TRAPPC13: variants seen among roughly 807,000 people sequenced by gnomAD.
TRAPPC13 encodes REV7-interacting novel NHEJ regulator 1.
In TRAPPC13, 39 loss-of-function variants were observed where a neutral mutation model predicts 54.0. The observed-to-expected ratio is 0.72, with a 90% confidence interval of 0.56 to 0.94. TRAPPC13 has a LOEUF of 0.94. TRAPPC13 is among the 40% of genes least tolerant of loss of function. The pLI, the probability that TRAPPC13 is intolerant of heterozygous loss-of-function variation, is 0.00. For missense variants in TRAPPC13, 386 were observed against 488.1 expected (o/e 0.79, Z 1.97); for synonymous variants, 148 against 167.7 (o/e 0.88, Z 0.91).
chr5:65,655,870 A>T (rs939692328), intron 8 of TRAPPC13, among the ~76,000 whole-genome samples: 1 of 152,048 alleles, frequency 6.6e-6, no homozygotes, highest in Non-Finnish European at 1.5e-5. Context: ...TTAAATTGTC[A>T]TACTGAAACA....
At chr5:65,662,446 G>C (rs1756879249) in intron 11 of TRAPPC13, 1 of 191,286 alleles carries the variant, frequency 5.2e-6, no homozygotes, top group Non-Finnish European at 1.1e-5. Context: ...AGGTTCTTAT[G>C]TATTAATATA....
intron 8 of TRAPPC13, 48 bp from the exon 9 acceptor site, chr5:65,658,320 A>G (rs1756722381): frequency 6.5e-7 from 1 of 1,527,934 alleles, no homozygotes; most frequent in African/African-American, 1.4e-5. Flanking sequence ...TGAGATAAAT[A>G]TTTTAAATGC....
Position 65,635,317 on chromosome 5 carries a change from GC to G in TRAPPC13, c.65del (p.Pro22LeufsTer9). Reference sequence around the variant, plus strand: ...ACTTCACAGTGATGCGGCTGACTAAGCCTACTTTATTCACCAATATCCCAGT... The same window carrying G: ...ACTTCACAGTGATGCGGCTGACTAAGCTACTTTATTCACCAATATCCCAGT... ...LALKVMRLTKPTLFTNIPVTC... is the reference protein window; with the variant it reads ...LALKVMRLTKXTLFTNIPVTC... On this transcript the variant is annotated frameshift_variant, in exon 2 of 13. Transcript: ENST00000399438. LOFTEE classifies it high-confidence loss of function. 1 of 1,613,490 alleles carries G rather than the reference GC, an allele frequency of 6.2e-7. No individual in the cohort carries two copies. Among genetic ancestry groups the G allele is most frequent in the Admixed American group, 1.7e-5 (1 of 59,988 alleles).
intron 1 of TRAPPC13, among the ~76,000 whole-genome samples, chr5:65,627,845 A>C (rs1388497958): frequency 6.6e-6 from 1 of 152,238 alleles, no homozygotes; most frequent in Non-Finnish European, 1.5e-5. Flanking sequence ...GAGAGTTGTC[A>C]GATCTGTTAG....
At chr5:65,634,405 G>A (rs1028135144) in intron 1 of TRAPPC13, among the ~76,000 whole-genome samples, 3 of 152,066 alleles carry the variant, frequency 2.0e-5, no homozygotes, top group Admixed American at 2.0e-4. Flanking sequence ...GTTATAATAT[G>A]TAGTAAATTC....
intron 1 of TRAPPC13, chr5:65,630,191 G>A (rs1755470002): frequency 1.3e-6 from 2 of 1,535,952 alleles, no homozygotes; most frequent in Non-Finnish European, 1.7e-6. Flanking sequence ...ATCTTGTAAT[G>A]CTACAATTCA....
In TRAPPC13 at chr5:65,641,244, A is replaced by T. The variant is rs186079269; in HGVS notation, c.300+3464A>T. 3.9e-3 allele frequency among the ~76,000 whole-genome samples: 599 copies of T among 152,284 alleles called. 5 individuals are homozygous for T. Among genetic ancestry groups the T allele is most frequent in the Non-Finnish European group, 5.3e-3 (358 of 68,008 alleles). On this transcript the variant is annotated intron_variant, in intron 4 of 12. Transcript: ENST00000399438. ...CCACCATATCTGGCCAGATAAGCCA[A>T]TTGTGACATCAGAATCACTTAAGAG...
chr5:65,632,584 A>G (rs954919417), intron 1 of TRAPPC13, among the ~76,000 whole-genome samples: 1 of 152,178 alleles, frequency 6.6e-6, no homozygotes, highest in East Asian at 1.9e-4. Context: ...TCTACCACTT[A>G]TCTACTAATA....
rs191614046 is a variant in TRAPPC13, at chr5:65,639,090, A to C, written c.300+1310A>C. ...GTGACAGAGTAATACTCCATCCCCC[A>C]AAAAATAAAAATAAAACCATCAGAT... On this transcript the variant is annotated intron_variant, in intron 4 of 12. Coordinates refer to ENST00000399438, the MANE Select transcript of TRAPPC13 (RefSeq NM_024941.4). 3.5e-3 allele frequency among the ~76,000 whole-genome samples: 540 copies of C among 152,192 alleles called. 2 individuals are homozygous for C. The highest frequency in any genetic ancestry group is 5.0e-3 in the East Asian group (26 of 5,156).
chr5:65,664,821 C>T lies in TRAPPC13; in HGVS notation c.*210C>T, dbSNP rs1756980573. ...AATGAACATGTGTATATTTTCTACA[C>T]CTATTATTTAATTTCATTTCATTTT... On this transcript the variant is annotated 3_prime_UTR_variant, in exon 13 of 13. Transcript: ENST00000399438. 3.7e-6 allele frequency: 2 copies of T among 546,264 alleles called. No individual in the cohort carries two copies. The highest frequency in any genetic ancestry group is 2.4e-5 in the South Asian group (1 of 42,394). The allele number at this position is 546,264 out of a possible 1,614,324, so 33.8% of individuals were successfully genotyped here.
Position 65,637,736 on chromosome 5 carries a change from G to A in TRAPPC13, c.256G>A (p.Val86Ile), listed in dbSNP as rs201726759. Reference protein sequence around the residue: ...LGETFSSYISVHNDSNQVVKD... With the variant: ...LGETFSSYISIHNDSNQVVKD... ...AGAGACCTTTTCCAGTTATATCAGCGTTCATAATGATAGCAATCAAGTTGT... is the reference window on the plus strand; with the variant it reads ...AGAGACCTTTTCCAGTTATATCAGCATTCATAATGATAGCAATCAAGTTGT... Residue 86 changes from valine to isoleucine, a missense_variant, in exon 4 of 13, where the codon GTT becomes ATT. By Grantham distance (29) the Val-to-Ile change is conservative. Coordinates refer to ENST00000399438, the MANE Select transcript of TRAPPC13 (RefSeq NM_024941.4). The A allele has an allele frequency of 1.5e-4, 233 of 1,572,286 alleles. 1 individual carries two copies. The highest frequency in any genetic ancestry group is 1.8e-4 in the Non-Finnish European group (206 of 1,154,980).
rs1756954378 is a variant in TRAPPC13, at chr5:65,664,286, C to T, written c.1048C>T (p.His350Tyr). The T allele has an allele frequency of 6.2e-7, 1 of 1,613,774 alleles. No homozygotes were observed. The highest frequency in any genetic ancestry group is 1.1e-5 in the South Asian group (1 of 91,088). The change falls in exon 12 of 13, where the codon CAC (histidine) becomes TAC (tyrosine). Residue 350 changes from histidine (H) to tyrosine (Y), a missense_variant. His to Tyr is a moderately conservative substitution (Grantham distance 83). Coordinates refer to ENST00000399438, the MANE Select transcript of TRAPPC13 (RefSeq NM_024941.4). ...VLEMCNTNSI[H>Y]WCGISGRQLG... ...GGAAATGTGCAATACCAATTCCATCCACTGGTGTGGAATTTCAGGAAGACA... is the reference window on the plus strand; with the variant it reads ...GGAAATGTGCAATACCAATTCCATCTACTGGTGTGGAATTTCAGGAAGACA...
chr5:65,630,318 A>G, intron 1 of TRAPPC13: 27 of 1,522,174 alleles, frequency 1.8e-5, no homozygotes, highest in Non-Finnish European at 2.3e-5. Flanking sequence ...GTGCATAAAT[A>G]TGGTGTTATT....
chr5:65,635,315 A>G lies in TRAPPC13; in HGVS notation c.61A>G (p.Lys21Glu). Residue 21 changes from lysine to glutamate, a missense_variant, in exon 2 of 13, where the codon AAG becomes GAG. Physicochemically the swap from Lys to Glu is moderately conservative, Grantham distance 56. Transcript: ENST00000399438. ...LLALKVMRLT[K>E]PTLFTNIPVT... ...TTACTTCACAGTGATGCGGCTGACT[A>G]AGCCTACTTTATTCACCAATATCCC... is the stretch of plus-strand genomic sequence containing the variant. 6.2e-7 allele frequency: 1 copy of G among 1,613,590 alleles called. No individual in the cohort carries two copies.
rs1433657472 is a variant in TRAPPC13, at chr5:65,666,020, G to A, written c.*1409G>A. On this transcript the variant is annotated 3_prime_UTR_variant, in exon 13 of 13. Transcript: ENST00000399438. ...CAGAAGGTTTGCACCTCAAAATTGA[G>A]TAATAATTAATGAAATGTCTGTACA... The A allele has an allele frequency of 6.6e-6, 1 of 152,528 alleles. No individual in the cohort carries two copies. The highest frequency in any genetic ancestry group is 1.5e-5 in the Non-Finnish European group (1 of 67,976). 9.4% of individuals were successfully genotyped at this position (152,528 alleles called of 1,614,324 possible).
intron 11 of TRAPPC13, chr5:65,663,550 G>T (rs1333695117): frequency 6.6e-6 from 1 of 152,126 alleles, no homozygotes; most frequent in Non-Finnish European, 1.5e-5. Flanking sequence ...TTGGAGCCAA[G>T]TATAAGAATA....
At chr5:65,661,937 A>C (rs1329051004) in intron 10 of TRAPPC13, 113 bp from the exon 11 acceptor site, 3 of 615,348 alleles carry the variant, frequency 4.9e-6, no homozygotes, top group Non-Finnish European at 8.0e-6. Context: ...TTTTCTTAGA[A>C]CATCAGCTTG....
At position 65,647,127 on chromosome 5, in the gene TRAPPC13, G is replaced by T; in HGVS notation, c.373G>T (p.Asp125Tyr). ...SNAAVAELKPDCCIDDVIHHE... is the reference protein window; with the variant it reads ...SNAAVAELKPYCCIDDVIHHE... ...TGCTGCAGTGGCTGAACTTAAACCG[G>T]ATTGTTGTATTGATGATGTCATACA... The change falls in exon 5 of 13, where the codon GAT becomes TAT. Residue 125 changes from aspartate (D) to tyrosine (Y), a missense_variant. Coordinates refer to ENST00000399438, the MANE Select transcript of TRAPPC13 (RefSeq NM_024941.4). The T allele has an allele frequency of 6.4e-7, 1 of 1,574,462 alleles. No individual in the cohort carries two copies. The highest frequency in any genetic ancestry group is 8.6e-7 in the Non-Finnish European group (1 of 1,158,044).
intron 6 of TRAPPC13, among the ~76,000 whole-genome samples, chr5:65,651,857 T>TG (rs1756464018): frequency 9.3e-6 from 1 of 107,884 alleles, no homozygotes; most frequent in African/African-American, 4.4e-5. Context: ...TTTTTTTTTT[T>TG]TTTTTTTTTT....
Sources: allele counts gnomAD v4.1 joint callset (sites outside exome capture counted in the v4.1 genomes callset), GRCh38; gene constraint gnomAD v4.1.1; transcripts MANE v1.5; gene names NCBI Gene and HGNC (gene_info 2026-07-23, HGNC 2026-07-21).